The following TGFA variants were observed in gnomAD, a reference collection of about 807,000 sequenced individuals.
TGFA encodes transforming growth factor alpha, also known as protransforming growth factor alpha.
In TGFA, 12 loss-of-function variants were observed where a neutral mutation model predicts 21.7. The ratio of observed to expected loss-of-function variants is 0.55; its 90% confidence interval spans 0.35 to 0.90. The LOEUF is 0.90. Among genes scored for constraint, TGFA ranks in the 40% least tolerant of loss-of-function variants. The probability of loss-of-function intolerance (pLI) is 0.01; values close to 1 mark genes in which losing one functional copy is unlikely to be tolerated. For missense variants in TGFA, 178 were observed against 210.8 expected (o/e 0.84, Z 0.96); for synonymous variants, 79 against 88.1 (o/e 0.90, Z 0.58).
At chr2:70,512,777 AATGG>A (rs2103848852) in intron 2 of TGFA, among the ~76,000 whole-genome samples, 1 of 152,260 alleles carries the variant, frequency 6.6e-6, no homozygotes, top group South Asian at 2.1e-4. Flanking sequence ...TGTCTGTCTG[AATGG>A]ATGGAGACTT....
chr2:70,461,650 T>G (rs143556491), intron 3 of TGFA: 55 of 152,340 alleles, frequency 3.6e-4, no homozygotes, highest in African/African-American at 1.2e-3. Context: ...CCTTCAACGG[T>G]TTTCCTTTGT....
intron 1 of TGFA, among the ~76,000 whole-genome samples, chr2:70,549,216 G>A (rs1673407887): frequency 6.6e-6 from 1 of 152,172 alleles, no homozygotes; most frequent in Admixed American, 6.5e-5. Flanking sequence ...AAATGAAGAC[G>A]TCTCAGCAAG....
At chr2:70,522,140 C>G (rs980805543) in intron 1 of TGFA, among the ~76,000 whole-genome samples, 1 of 152,202 alleles carries the variant, frequency 6.6e-6, no homozygotes. Flanking sequence ...TCATCTCTAT[C>G]CTTACACCTG....
At chr2:70,550,112 C>T (rs1183015836) in intron 1 of TGFA, among the ~76,000 whole-genome samples, 3 of 152,204 alleles carry the variant, frequency 2.0e-5, no homozygotes, top group Non-Finnish European at 2.9e-5. Context: ...TGATCTATTT[C>T]GCCTCTGCCC....
intron 2 of TGFA, among the ~76,000 whole-genome samples, chr2:70,482,709 T>C (rs185577966): frequency 6.6e-6 from 1 of 150,992 alleles, no homozygotes; most frequent in East Asian, 1.9e-4. Context: ...TTGTTCTGGC[T>C]CAAAACTTTT....
At chr2:70,513,741 AC>A (rs1559128882) in intron 2 of TGFA, among the ~76,000 whole-genome samples, 2 of 152,220 alleles carry the variant, frequency 1.3e-5, no homozygotes, top group Non-Finnish European at 2.9e-5. Context: ...GTGGTTGGCT[AC>A]AGAATTTATG....
chr2:70,475,364 A>T (rs1553494072), intron 2 of TGFA, among the ~76,000 whole-genome samples: 1 of 152,034 alleles, frequency 6.6e-6, no homozygotes, highest in African/African-American at 2.4e-5. Context: ...TCACTATCTC[A>T]TCTTACAGAT....
rs572189928 is a variant in TGFA at position 70,553,745 on chromosome 2, A to C, written c.23T>G (p.Leu8Arg). 3.8e-6 allele frequency: 5 copies of C among 1,319,630 alleles called. No individual in the cohort carries two copies. Among genetic ancestry groups the C allele is most frequent in the African/African-American group, 3.0e-5 (2 of 65,822 alleles). 81.7% of individuals were successfully genotyped at this position (1,319,630 alleles called of 1,614,324 possible). A position where few individuals can be genotyped will look rare whatever the true frequency, so the allele number is the denominator to read the frequency against. The change falls in exon 1 of 6, where the codon CTC (leucine) becomes CGC (arginine). Residue 8 changes from leucine to arginine, a missense_variant. Transcript: ENST00000295400. Reference protein sequence around the residue: MVPSAGQLALFALGIVLA... With the variant: MVPSAGQRALFALGIVLA... ...GTACGTACCCAGAGCGAACAGGGCGAGCTGTCCAGCCGAGGGGACCATTTT... is the reference window on the plus strand; with the variant it reads ...GTACGTACCCAGAGCGAACAGGGCGCGCTGTCCAGCCGAGGGGACCATTTT...
At chr2:70,473,081 G>A (rs1317218754) in intron 2 of TGFA, among the ~76,000 whole-genome samples, 2 of 152,140 alleles carry the variant, frequency 1.3e-5, no homozygotes, top group African/African-American at 4.8e-5. Context: ...ATACTCCCAG[G>A]TATCAAGGCC....
At chr2:70,461,431 A>G (rs1170169175) in intron 3 of TGFA, among the ~76,000 whole-genome samples, 1 of 152,238 alleles carries the variant, frequency 6.6e-6, no homozygotes, top group Non-Finnish European at 1.5e-5. Flanking sequence ...GATGGTGGTC[A>G]GGTCTCTTCG....
intron 2 of TGFA, among the ~76,000 whole-genome samples, chr2:70,496,147 G>T (rs996336367): frequency 6.6e-6 from 1 of 152,106 alleles, no homozygotes; most frequent in Non-Finnish European, 1.5e-5. Flanking sequence ...GGAAGGAGGT[G>T]GTGTTACCAG....
chr2:70,521,107 A>AT (rs1672442979), intron 1 of TGFA, among the ~76,000 whole-genome samples: 1 of 151,986 alleles, frequency 6.6e-6, no homozygotes, highest in African/African-American at 2.4e-5. Flanking sequence ...TAAAAAAAAA[A>AT]ATCTTTGCTC....
chr2:70,509,109 A>G (rs1270010975), intron 2 of TGFA, among the ~76,000 whole-genome samples: 2 of 152,202 alleles, frequency 1.3e-5, no homozygotes, highest in East Asian at 1.9e-4. Flanking sequence ...TTTATCCCCA[A>G]ACTGAGACAT....
In TGFA at chr2:70,486,628, C is replaced by T. The variant is rs535229591; in HGVS notation, c.95-20892G>A. Reference sequence around the variant, plus strand: ...AGGTGCGCGCTACCACACCAGGCTACTTTTTGTGTTTTTTTGTAGAGATGA... The same window carrying T: ...AGGTGCGCGCTACCACACCAGGCTATTTTTTGTGTTTTTTTGTAGAGATGA... On this transcript the variant is annotated intron_variant, in intron 2 of 5. Coordinates refer to ENST00000295400, the MANE Select transcript of TGFA (RefSeq NM_003236.4). Among the ~76,000 whole-genome samples, 5 of 151,996 alleles carry T rather than the reference C, an allele frequency of 3.3e-5. No homozygotes were observed. In the South Asian group the frequency reaches 8.3e-4, roughly 25 times the overall value.
chr2:70,536,630 T>C (rs191057235), intron 1 of TGFA, among the ~76,000 whole-genome samples: 122 of 152,168 alleles, frequency 8.0e-4, no homozygotes, highest in African/African-American at 2.9e-3. Flanking sequence ...CAAGAGCAGT[T>C]AAAAATATTT....
At chr2:70,521,672 T>C (rs1479052638) in intron 1 of TGFA, among the ~76,000 whole-genome samples, 3 of 132,740 alleles carry the variant, frequency 2.3e-5, no homozygotes, top group Admixed American at 1.8e-4. Flanking sequence ...TGGAGTGCAG[T>C]GGCACGATCT....
chr2:70,469,335 A>T (rs60003673), intron 2 of TGFA, among the ~76,000 whole-genome samples: 6,531 of 151,126 alleles, frequency 0.043, 342 homozygotes, highest in African/African-American at 0.12. Context: ...TTAATTAATT[A>T]ATTTATATTT....
At chr2:70,515,493 C>T (rs1553501491) in intron 1 of TGFA, among the ~76,000 whole-genome samples, 2 of 152,142 alleles carry the variant, frequency 1.3e-5, no homozygotes, top group African/African-American at 4.8e-5. Flanking sequence ...GGCCAATGTG[C>T]TGTGACCCAG....
chr2:70,552,473 A>G (rs1553506956), intron 1 of TGFA, among the ~76,000 whole-genome samples: 1 of 152,240 alleles, frequency 6.6e-6, no homozygotes, highest in Admixed American at 6.5e-5. Flanking sequence ...CATGCACACA[A>G]AAAAGGCAAT....
Sources: allele counts gnomAD v4.1 joint callset (sites outside exome capture counted in the v4.1 genomes callset), GRCh38; gene constraint gnomAD v4.1.1; transcripts MANE v1.5; gene names NCBI Gene and HGNC (gene_info 2026-07-23, HGNC 2026-07-21).